The following SLC25A21 variants were observed in gnomAD, a reference collection of about 807,000 sequenced individuals.
The protein encoded by SLC25A21 is solute carrier family 25 member 21.
Under a neutral mutation model 43.8 loss-of-function variants are expected in SLC25A21, and 47 were observed. The observed-to-expected ratio is 1.07, with a 90% CI of 0.85 to 1.37. The LOEUF (loss-of-function observed/expected upper bound fraction) is 1.37, where lower values mean the gene tolerates loss of function less well. Among genes scored for constraint, SLC25A21 ranks in the 40% most tolerant of loss-of-function variants. SLC25A21 has a pLI of 0.00. For synonymous variants in SLC25A21, 131 were observed against 121.3 expected (o/e 1.08, Z -0.52); for missense variants, 352 against 350.2 (o/e 1.00, Z -0.04).
intron 1 of SLC25A21, among the ~76,000 whole-genome samples, chr14:37,003,193 G>A (rs927033399): frequency 2.6e-5 from 4 of 152,038 alleles, no homozygotes; most frequent in East Asian, 3.9e-4. Flanking sequence ...CAATAAAATA[G>A]AACATACATA....
chr14:36,983,752 A>G (rs1038056613), intron 1 of SLC25A21, among the ~76,000 whole-genome samples: 1 of 152,166 alleles, frequency 6.6e-6, no homozygotes, highest in Non-Finnish European at 1.5e-5. Context: ...ATGAATGGTT[A>G]AGTGGATAAA....
chr14:37,011,594 T>TCTCAAATAAAAAGA (rs1464943586), intron 1 of SLC25A21, among the ~76,000 whole-genome samples: 1 of 152,182 alleles, frequency 6.6e-6, no homozygotes, highest in Non-Finnish European at 1.5e-5. Flanking sequence ...CATGGTGTTC[T>TCTCAAATAAAAAGA]CTCAAATAAA....
At chr14:37,006,901 A>G (rs1960616619) in intron 1 of SLC25A21, among the ~76,000 whole-genome samples, 1 of 152,182 alleles carries the variant, frequency 6.6e-6, no homozygotes, top group Non-Finnish European at 1.5e-5. Context: ...CTAAGTTACT[A>G]CTCACCCTAC....
intron 2 of SLC25A21, among the ~76,000 whole-genome samples, chr14:36,858,871 C>A (rs907433940): frequency 1.3e-5 from 2 of 152,120 alleles, no homozygotes; most frequent in Non-Finnish European, 2.9e-5. Context: ...AGGGTCATTT[C>A]TTTTTCCTTC....
intron 1 of SLC25A21, among the ~76,000 whole-genome samples, chr14:36,935,525 C>T (rs555582072): frequency 6.6e-6 from 1 of 152,278 alleles, no homozygotes; most frequent in South Asian, 2.1e-4. Context: ...CACCTAATGT[C>T]TATACTTATC....
At chr14:37,052,304 T>C (rs1961725428) in intron 1 of SLC25A21, among the ~76,000 whole-genome samples, 1 of 152,152 alleles carries the variant, frequency 6.6e-6, no homozygotes, top group South Asian at 2.1e-4. Context: ...TAGTATAAAC[T>C]TTAGGCCTGT....
chr14:36,830,678 A>T (rs1215094731), intron 2 of SLC25A21, among the ~76,000 whole-genome samples: 3 of 152,152 alleles, frequency 2.0e-5, no homozygotes, highest in Admixed American at 2.0e-4. Context: ...GAGTATCAAG[A>T]TATTTATTTT....
rs528656481 is a variant in SLC25A21 at position 36,717,247 on chromosome 14, A to C, written c.439-5765T>G. On this transcript the variant is annotated intron_variant, in intron 6 of 9. Transcript: ENST00000331299. ...TTATTTGAGAACAAAATGTAAGTGA[A>C]AGGAAAAGAATCAGGCTTAAAAAGT... Among the ~76,000 whole-genome samples the C allele has an allele frequency of 9.2e-5, 14 of 152,368 alleles. No individual in the cohort carries two copies. The South Asian group carries it at 2.3e-3, about 25-fold the overall frequency.
chr14:37,064,434 T>C (rs140421832), intron 1 of SLC25A21, among the ~76,000 whole-genome samples: 1 of 152,064 alleles, frequency 6.6e-6, no homozygotes, highest in Non-Finnish European at 1.5e-5. Flanking sequence ...CTCTCTCTCT[T>C]TTTCTACCTT....
At chr14:36,741,401 T>G (rs1885257098) in intron 3 of SLC25A21, among the ~76,000 whole-genome samples, 1 of 152,164 alleles carries the variant, frequency 6.6e-6, no homozygotes, top group Non-Finnish European at 1.5e-5. Flanking sequence ...AAAACTAAAC[T>G]GATACATTAA....
At chr14:37,162,211 G>T (rs915645172) in intron 1 of SLC25A21, among the ~76,000 whole-genome samples, 2 of 152,134 alleles carry the variant, frequency 1.3e-5, no homozygotes, top group Admixed American at 1.3e-4. Context: ...CCATTTTGTA[G>T]GTTGCCTGTT....
At chr14:37,080,071 C>G (rs1333408771) in intron 1 of SLC25A21, among the ~76,000 whole-genome samples, 2 of 152,096 alleles carry the variant, frequency 1.3e-5, no homozygotes, top group Non-Finnish European at 2.9e-5. Flanking sequence ...CTTGGACTTC[C>G]CAGCGTACAG....
chr14:36,807,659 T>C (rs17105394), intron 3 of SLC25A21, among the ~76,000 whole-genome samples: 37,297 of 152,090 alleles, frequency 0.25, 4,737 homozygotes, highest in East Asian at 0.31. Flanking sequence ...TTAGACTAGG[T>C]AAACCACTTT....
chr14:37,069,692 T>A (rs1962133841), intron 1 of SLC25A21, among the ~76,000 whole-genome samples: 1 of 152,162 alleles, frequency 6.6e-6, no homozygotes, highest in Admixed American at 6.5e-5. Context: ...ACTACAAAAA[T>A]ATTTCTACCA....
chr14:36,935,196 G>T (rs998026107), intron 1 of SLC25A21, among the ~76,000 whole-genome samples: 13 of 152,134 alleles, frequency 8.5e-5, no homozygotes, highest in African/African-American at 3.1e-4. Context: ...TCCAGAATGC[G>T]GCTCTGTCTA....
chr14:36,878,550 G>C (rs1261059178), intron 1 of SLC25A21, among the ~76,000 whole-genome samples: 2 of 152,142 alleles, frequency 1.3e-5, no homozygotes, highest in Non-Finnish European at 2.9e-5. Flanking sequence ...CATATAAATA[G>C]AATCAGATTA....
At chr14:36,722,666 T>A (rs991986391) in intron 6 of SLC25A21, among the ~76,000 whole-genome samples, 1 of 152,184 alleles carries the variant, frequency 6.6e-6, no homozygotes, top group Non-Finnish European at 1.5e-5. Flanking sequence ...ACCTGTTTCT[T>A]TTTATTTTTT....
At chr14:37,005,702 G>A (rs1204844774) in intron 1 of SLC25A21, among the ~76,000 whole-genome samples, 2 of 151,092 alleles carry the variant, frequency 1.3e-5, no homozygotes, top group African/African-American at 2.4e-5. Flanking sequence ...ACACACACAC[G>A]ATGTGATTCA....
At chr14:37,130,683 A>C (rs1435472099) in intron 1 of SLC25A21, among the ~76,000 whole-genome samples, 2 of 152,228 alleles carry the variant, frequency 1.3e-5, no homozygotes, top group Non-Finnish European at 2.9e-5. Flanking sequence ...AGGCCCTGAG[A>C]CAGACTTACA....
Sources: gnomAD v4.1 joint callset for allele counts (sites outside exome capture counted in the v4.1 genomes callset) on GRCh38, gnomAD v4.1.1 for gene constraint, MANE v1.5 for transcripts, NCBI Gene and HGNC (gene_info 2026-07-23, HGNC 2026-07-21) for gene names.